Variants in ATP2B2 observed in about 807,000 individuals in gnomAD.
The protein encoded by ATP2B2 is ATPase plasma membrane Ca2+ transporting 2.
Under a neutral mutation model 120.0 loss-of-function variants are expected in ATP2B2, and 15 were observed. The ratio of observed to expected loss-of-function variants is 0.12; its 90% CI spans 0.08 to 0.19. The LOEUF (loss-of-function observed/expected upper bound fraction) is 0.19, where lower values mean the gene tolerates loss of function less well. ATP2B2 is among the 10% of genes least tolerant of loss of function. The pLI is 1.00. For missense variants in ATP2B2, 1,045 were observed against 1,719.8 expected (o/e 0.61, Z 6.94); for synonymous variants, 694 against 700.3 (o/e 0.99, Z 0.14).
At chr3:10,680,854 A>G (rs1204591129) in intron 1 of ATP2B2, among the ~76,000 whole-genome samples, 1 of 152,158 alleles carries the variant, frequency 6.6e-6, no homozygotes, top group Non-Finnish European at 1.5e-5. Context: ...TGTTGTCTGC[A>G]CCGAATCTCA....
At chr3:10,378,073 T>C (rs1376509841) in intron 10 of ATP2B2, among the ~76,000 whole-genome samples, 179 bp downstream of exon 10, 1 of 152,266 alleles carries the variant, frequency 6.6e-6, no homozygotes, top group African/African-American at 2.4e-5. Flanking sequence ...TGAGTGCTAA[T>C]GGAGTGCCTT....
intron 1 of ATP2B2, among the ~76,000 whole-genome samples, chr3:10,683,107 C>A (rs965505191): frequency 6.6e-6 from 1 of 151,954 alleles, no homozygotes; most frequent in Non-Finnish European, 1.5e-5. Context: ...ACCTTTACAA[C>A]CCCTCTGCCA....
chr3:10,471,319 G>C (rs900060880), intron 1 of ATP2B2, among the ~76,000 whole-genome samples: 1 of 151,870 alleles, frequency 6.6e-6, no homozygotes, highest in Non-Finnish European at 1.5e-5. Flanking sequence ...CCAGGCCACG[G>C]GAGTCTACAG....
chr3:10,694,511 T>C (rs566345464), intron 1 of ATP2B2, among the ~76,000 whole-genome samples: 31 of 152,372 alleles, frequency 2.0e-4, no homozygotes, highest in African/African-American at 7.5e-4. Flanking sequence ...TGCTGAGTAC[T>C]GTTCCACGGG....
At chr3:10,564,181 T>A (rs1164251754) in intron 2 of ATP2B2, among the ~76,000 whole-genome samples, 1 of 152,226 alleles carries the variant, frequency 6.6e-6, no homozygotes, top group African/African-American at 2.4e-5. Context: ...AAGACTCATA[T>A]AACCAATCCC....
chr3:10,662,920 T>G (rs1363731853), intron 1 of ATP2B2, among the ~76,000 whole-genome samples: 4 of 151,920 alleles, frequency 2.6e-5, no homozygotes, highest in Non-Finnish European at 4.4e-5. Context: ...CCATAAAAAA[T>G]GATGAGTTCA....
chr3:10,516,431 C>G (rs1453667837), intron 3 of ATP2B2, among the ~76,000 whole-genome samples: 1 of 152,146 alleles, frequency 6.6e-6, no homozygotes, highest in Non-Finnish European at 1.5e-5. Flanking sequence ...CTATCTTCTT[C>G]TCCTCCTTTT....
intron 1 of ATP2B2, among the ~76,000 whole-genome samples, chr3:10,644,842 G>T (rs891093277): frequency 6.6e-5 from 10 of 152,182 alleles, no homozygotes; most frequent in African/African-American, 2.2e-4. Flanking sequence ...ACAACAATGT[G>T]AAAGTACTAA....
At chr3:10,692,337 T>C (rs929511265) in intron 1 of ATP2B2, among the ~76,000 whole-genome samples, 2 of 152,204 alleles carry the variant, frequency 1.3e-5, no homozygotes, top group Non-Finnish European at 2.9e-5. Flanking sequence ...ATTCATTAAT[T>C]TCTGCTTTGT....
At position 10,486,014 on chromosome 3, in the gene ATP2B2, G is replaced by A. The variant is rs552837802; in HGVS notation, c.-320+19451C>T. Among the ~76,000 whole-genome samples, 4 of 152,328 alleles carry A rather than the reference G, an allele frequency of 2.6e-5. No individual in the cohort carries two copies. The South Asian group carries it at 8.3e-4, about 32-fold the overall frequency. On this transcript the variant is annotated intron_variant, in intron 1 of 22. Transcript: ENST00000360273. ...GAGGGGTGGTAAGTGAGGACAGGAG[G>A]CCACAAGTGGGCATGGAGGCACCCA...
At chr3:10,348,254 A>G (rs2125402967) in intron 16 of ATP2B2, among the ~76,000 whole-genome samples, 1 of 151,902 alleles carries the variant, frequency 6.6e-6, no homozygotes, top group South Asian at 2.1e-4. Flanking sequence ...CCCCTCCACT[A>G]CCCAAACTTT....
rs1355587980 is a variant in ATP2B2, at chr3:10,326,855, T to C, written c.*1959A>G. The C allele has an allele frequency of 2.5e-6, 1 of 399,044 alleles. No individual in the cohort carries two copies. The highest frequency in any genetic ancestry group is 4.4e-6 in the Non-Finnish European group (1 of 226,070). 24.7% of individuals were successfully genotyped at this position (399,044 alleles called of 1,614,324 possible). A position where few individuals can be genotyped will look rare whatever the true frequency, so the allele number is the denominator to read the frequency against. On this transcript the variant is annotated 3_prime_UTR_variant, in exon 23 of 23. Transcript: ENST00000360273. Reference sequence around the variant, plus strand: ...AGGCCCTCCCAGTTGACTATGGCTCTTTTCCCGAGTGGCTCTCATCTTGTT... The same window carrying C: ...AGGCCCTCCCAGTTGACTATGGCTCCTTTCCCGAGTGGCTCTCATCTTGTT...
chr3:10,626,983 G>T (rs1337075475), intron 1 of ATP2B2, among the ~76,000 whole-genome samples: 2 of 151,878 alleles, frequency 1.3e-5, no homozygotes, highest in Non-Finnish European at 1.5e-5. Flanking sequence ...CAGGGCCTGG[G>T]CTTCTCATTT....
intron 3 of ATP2B2, among the ~76,000 whole-genome samples, chr3:10,525,583 C>T (rs2125462619): frequency 6.6e-6 from 1 of 152,254 alleles, no homozygotes; most frequent in Middle Eastern, 3.4e-3. Flanking sequence ...TTTTCCTCTT[C>T]CAGGTCCCCA....
chr3:10,437,860 C>T (rs990409812), intron 2 of ATP2B2, among the ~76,000 whole-genome samples: 2 of 152,108 alleles, frequency 1.3e-5, no homozygotes, highest in African/African-American at 4.8e-5. Flanking sequence ...GATTGACACC[C>T]GTATACAAAG....
chr3:10,350,490 C>A lies in ATP2B2; in HGVS notation c.2224G>T (p.Ala742Ser), dbSNP rs1354662233. The change falls in exon 15 of 23, where the codon GCC becomes TCC. Residue 742 changes from alanine (A) to serine (S), a missense_variant. Coordinates refer to ENST00000360273, the MANE Select transcript of ATP2B2 (RefSeq NM_001001331.4). ...GDNINTARAI[A>S]IKCGIIHPGE... ...GGATGGATGATGCCACACTTGATGG[C>A]GATGGCCCGAGCCGTGTTGATATTG... 6.2e-7 allele frequency: 1 copy of A among 1,614,222 alleles called. No homozygotes were observed. The highest frequency in any genetic ancestry group is 8.5e-7 in the Non-Finnish European group (1 of 1,180,042).
chr3:10,629,019 C>T (rs1271159746), intron 1 of ATP2B2, among the ~76,000 whole-genome samples: 4 of 152,208 alleles, frequency 2.6e-5, no homozygotes, highest in African/African-American at 9.7e-5. Flanking sequence ...CCATAACTCA[C>T]GCCTGGATGA....
At chr3:10,493,542 A>G (rs1274643418) in intron 1 of ATP2B2, among the ~76,000 whole-genome samples, 1 of 152,102 alleles carries the variant, frequency 6.6e-6, no homozygotes, top group African/African-American at 2.4e-5. Context: ...CATCAAGGGG[A>G]GGACTGTGGA....
At chr3:10,543,887 T>C (rs6786570) in intron 2 of ATP2B2, among the ~76,000 whole-genome samples, 27,037 of 151,912 alleles carry the variant, frequency 0.18, 3,352 homozygotes, top group East Asian at 0.48. Context: ...TACAGGCACA[T>C]GTCATCATGC....
Sources: gnomAD v4.1 joint callset for allele counts (sites outside exome capture counted in the v4.1 genomes callset) on GRCh38, gnomAD v4.1.1 for gene constraint, MANE v1.5 for transcripts, NCBI Gene and HGNC (gene_info 2026-07-23, HGNC 2026-07-21) for gene names.